The following GRHL1 variants were observed in gnomAD, a reference collection of about 807,000 sequenced individuals.
GRHL1 encodes the protein grainyhead like transcription factor 1.
In GRHL1, 38 loss-of-function variants were observed where a neutral mutation model predicts 75.7. That is an observed-to-expected ratio of 0.50 (90% CI 0.39 to 0.66). The LOEUF is 0.66. Ranked by LOEUF, GRHL1 falls within the 30% of genes least tolerant of loss-of-function variation. GRHL1 has a pLI of 0.00. For synonymous variants in GRHL1, 266 were observed against 279.4 expected (o/e 0.95, Z 0.48); for missense variants, 589 against 767.5 (o/e 0.77, Z 2.75).
chr2:9,991,613 A>T (rs537162457), intron 10 of GRHL1, among the ~76,000 whole-genome samples: 1 of 152,252 alleles, frequency 6.6e-6, no homozygotes, highest in Non-Finnish European at 1.5e-5. Context: ...CAATGGGTCC[A>T]TGAGTGTTGG....
intron 8 of GRHL1, among the ~76,000 whole-genome samples, chr2:9,984,873 G>A (rs555075847): frequency 4.0e-5 from 6 of 151,340 alleles, no homozygotes; most frequent in Non-Finnish European, 7.4e-5. Flanking sequence ...ACCAGCCTGG[G>A]CAACATAGTG....
intron 8 of GRHL1, among the ~76,000 whole-genome samples, chr2:9,967,133 G>A (rs1667528257): frequency 6.6e-6 from 1 of 152,204 alleles, no homozygotes; most frequent in South Asian, 2.1e-4. Flanking sequence ...TTGTGGAGGA[G>A]GCGATAAAGA....
chr2:9,991,986 T>C, intron 10 of GRHL1, 21 bp from the exon 11 acceptor site: 1 of 1,544,268 alleles, frequency 6.5e-7, no homozygotes. Flanking sequence ...CTTCCTCTTT[T>C]TTAATTTTTT....
intron 8 of GRHL1, among the ~76,000 whole-genome samples, chr2:9,979,885 C>G (rs1668120621): frequency 6.6e-6 from 1 of 152,196 alleles, no homozygotes; most frequent in African/African-American, 2.4e-5. Context: ...TTCATGCATT[C>G]TTTTCTGTGA....
intron 4 of GRHL1, among the ~76,000 whole-genome samples, chr2:9,961,670 TATG>T (rs1667281448): frequency 6.6e-6 from 1 of 152,136 alleles, no homozygotes; most frequent in South Asian, 2.1e-4. Flanking sequence ...AGTTAACAAT[TATG>T]ATTTCAGCTA....
intron 12 of GRHL1, among the ~76,000 whole-genome samples, chr2:9,994,530 C>G (rs1209214622): frequency 6.6e-6 from 1 of 152,124 alleles, no homozygotes; most frequent in Non-Finnish European, 1.5e-5. Flanking sequence ...ATACTGGGGA[C>G]ATTCATGCCC....
At chr2:9,983,822 C>T (rs2003911) in intron 8 of GRHL1, among the ~76,000 whole-genome samples, 25,614 of 149,396 alleles carry the variant, frequency 0.17, 2,254 homozygotes, top group Middle Eastern at 0.19. Context: ...CTCTCCTTAC[C>T]TCTGATTTGT....
chr2:9,971,282 GT>G (rs1314024558), intron 8 of GRHL1, among the ~76,000 whole-genome samples: 1 of 152,174 alleles, frequency 6.6e-6, no homozygotes, highest in Non-Finnish European at 1.5e-5. Flanking sequence ...GCAGGGACAG[GT>G]TTGGTTTGTT....
chr2:9,991,233 T>C (rs1262840661), intron 10 of GRHL1, among the ~76,000 whole-genome samples: 1 of 149,400 alleles, frequency 6.7e-6, no homozygotes, highest in East Asian at 1.9e-4. Flanking sequence ...CTTTGTTTTC[T>C]TTTTTTTTTA....
chr2:9,978,172 G>C (rs112294332), intron 8 of GRHL1, among the ~76,000 whole-genome samples: 2,945 of 152,236 alleles, frequency 0.019, 38 homozygotes, highest in Non-Finnish European at 0.029. Flanking sequence ...ATTTGGGTGG[G>C]GACACAGCCA....
rs1335926082 is a variant in GRHL1 at position 9,992,675 on chromosome 2, G to A, written c.1461+529G>A. Among the ~76,000 whole-genome samples, 1 of 152,230 alleles carries A rather than the reference G, an allele frequency of 6.6e-6. No individual in the cohort carries two copies. Among genetic ancestry groups the A allele is most frequent in the Non-Finnish European group, 1.5e-5 (1 of 68,032 alleles). ...AGGCTTACAAGGGATAGAAACTTCA[G>A]TAGAATGAAGCATGGTTTTATGCTG... On this transcript the variant is annotated intron_variant, in intron 11 of 15. Coordinates refer to ENST00000324907, the MANE Select transcript of GRHL1 (RefSeq NM_198182.3). The surrounding 1 kb of genome is among the most constrained non-coding windows in gnomAD (Gnocchi z 4.6).
At chr2:9,952,220 G>C (rs1222641525) in intron 1 of GRHL1, among the ~76,000 whole-genome samples, 1 of 152,000 alleles carries the variant, frequency 6.6e-6, no homozygotes, top group Non-Finnish European at 1.5e-5. Context: ...GGGCCTCCCC[G>C]CCCCCCTCTC....
At chr2:9,996,044 G>A in intron 13 of GRHL1, 74 bp downstream of exon 13, 2 of 976,946 alleles carry the variant, frequency 2.0e-6, no homozygotes, top group Non-Finnish European at 1.6e-6. Flanking sequence ...AGCATAAATG[G>A]TTCAAGCACA....
intron 8 of GRHL1, among the ~76,000 whole-genome samples, chr2:9,976,559 T>C (rs1667955598): frequency 1.3e-5 from 2 of 152,096 alleles, no homozygotes; most frequent in Admixed American, 6.5e-5. Flanking sequence ...TTTGAGGCTG[T>C]GTAATGTGTT....
intron 9 of GRHL1, among the ~76,000 whole-genome samples, chr2:9,988,903 A>G (rs1283189849): frequency 6.6e-6 from 1 of 152,166 alleles, no homozygotes; most frequent in Non-Finnish European, 1.5e-5. Flanking sequence ...ACACAGATAA[A>G]TAAGGAGGGA....
intron 2 of GRHL1, among the ~76,000 whole-genome samples, chr2:9,956,537 A>C (rs895288805): frequency 6.7e-6 from 1 of 148,980 alleles, no homozygotes; most frequent in Admixed American, 6.7e-5. Context: ...AAAAAAAAAA[A>C]TGGGGTGATT....
intron 8 of GRHL1, among the ~76,000 whole-genome samples, chr2:9,981,936 A>G (rs1348290891): frequency 6.6e-6 from 1 of 152,264 alleles, no homozygotes; most frequent in Admixed American, 6.5e-5. Flanking sequence ...TCATCCACAA[A>G]TGCAAATCCC....
Position 9,989,401 on chromosome 2 carries a change from A to G in GRHL1, c.1270-1295A>G, listed in dbSNP as rs894560687. 5.9e-5 allele frequency among the ~76,000 whole-genome samples: 9 copies of G among 152,176 alleles called. No individual in the cohort carries two copies. In the East Asian group the frequency reaches 1.5e-3, roughly 26 times the overall value. On this transcript the variant is annotated intron_variant, in intron 9 of 15. Coordinates refer to ENST00000324907, the MANE Select transcript of GRHL1 (RefSeq NM_198182.3). Reference sequence around the variant, plus strand: ...ATGATTAAATGTAATGTTTTTAAATATGCTTCATTGCCTGATTTTGGGCCG... The same window carrying G: ...ATGATTAAATGTAATGTTTTTAAATGTGCTTCATTGCCTGATTTTGGGCCG...
intron 8 of GRHL1, among the ~76,000 whole-genome samples, chr2:9,980,467 A>G (rs1417020459): frequency 1.3e-5 from 2 of 152,130 alleles, no homozygotes; most frequent in Admixed American, 1.3e-4. Flanking sequence ...AAGTGCATAA[A>G]TTCTTGGTCA....
Sources: allele counts gnomAD v4.1 joint callset (sites outside exome capture counted in the v4.1 genomes callset), GRCh38; gene constraint gnomAD v4.1.1; non-coding constraint Gnocchi (gnomAD v3.1); transcripts MANE v1.5; gene names NCBI Gene and HGNC (gene_info 2026-07-23, HGNC 2026-07-21).